DRC11: variants seen among roughly 807,000 people sequenced by gnomAD.
The protein encoded by DRC11 is IQ and AAA domain-containing protein 1.
At chr2:236,360,573 C>G in the DRC11 span, among the ~76,000 whole-genome samples, 1 of 152,290 alleles carries the variant, frequency 6.6e-6, no homozygotes, top group East Asian at 1.9e-4. This position sits in a 1 kb window ranked among gnomAD's most constrained non-coding sequence, Gnocchi z 5.8. Flanking sequence ...GTGCTTACAA[C>G]TTGGTAGTTA....
chr2:236,468,385 C>A, the DRC11 span, among the ~76,000 whole-genome samples: 7 of 152,076 alleles, frequency 4.6e-5, no homozygotes, highest in Non-Finnish European at 1.0e-4. Flanking sequence ...AACGACCATG[C>A]CCGGCTGAGA....
At chr2:236,387,969 T>G in the DRC11 span, among the ~76,000 whole-genome samples, 2 of 152,188 alleles carry the variant, frequency 1.3e-5, no homozygotes, top group Admixed American at 1.3e-4. Context: ...TTCTTTTCTT[T>G]AAGAATGTTG....
At chr2:236,345,677 G>T in the DRC11 span, among the ~76,000 whole-genome samples, 1 of 152,158 alleles carries the variant, frequency 6.6e-6, no homozygotes, top group Non-Finnish European at 1.5e-5. Flanking sequence ...CTTACCCTGG[G>T]CCCATGAATA....
chr2:236,443,355 C>T, the DRC11 span, among the ~76,000 whole-genome samples: 1 of 152,124 alleles, frequency 6.6e-6, no homozygotes, highest in Non-Finnish European at 1.5e-5. This position sits in a 1 kb window ranked among gnomAD's most constrained non-coding sequence, Gnocchi z 4.4. Flanking sequence ...CCTGCCCCAA[C>T]AGGCCCTCCC....
the DRC11 span, among the ~76,000 whole-genome samples, chr2:236,356,852 T>C: frequency 2.0e-5 from 3 of 149,412 alleles, no homozygotes; most frequent in African/African-American, 4.9e-5. Context: ...TATTGCATGT[T>C]CATCATTTGT....
chr2:236,441,227 G>A, the DRC11 span: 2 of 800,028 alleles, frequency 2.5e-6, no homozygotes, highest in Non-Finnish European at 2.1e-6. Flanking sequence ...TGGTCATTAA[G>A]GGTGGAGGGT....
the DRC11 span, among the ~76,000 whole-genome samples, chr2:236,344,795 G>A: frequency 1.3e-3 from 197 of 150,500 alleles, 1 homozygote; most frequent in African/African-American, 4.7e-3. Context: ...GGCTGTGAAC[G>A]TGCTTCCCTC....
the DRC11 span, among the ~76,000 whole-genome samples, chr2:236,356,983 A>G: frequency 8.6e-6 from 1 of 115,808 alleles, no homozygotes; most frequent in Non-Finnish European, 1.8e-5. Flanking sequence ...ATATTCATAT[A>G]TTATATATCT....
At chr2:236,443,955 T>C in the DRC11 span, among the ~76,000 whole-genome samples, 3 of 151,864 alleles carry the variant, frequency 2.0e-5, no homozygotes, top group Admixed American at 6.6e-5. This position sits in a 1 kb window ranked among gnomAD's most constrained non-coding sequence, Gnocchi z 4.4. Context: ...TGAGCTTGTT[T>C]TGACATATTT....
chr2:236,310,610 C>T, the DRC11 span, among the ~76,000 whole-genome samples: 7 of 152,258 alleles, frequency 4.6e-5, no homozygotes, highest in South Asian at 1.5e-3. The surrounding 1 kb of genome is among the most constrained non-coding windows in gnomAD (Gnocchi z 5.5). Flanking sequence ...TCCAGTGGTC[C>T]CTGGGCTTTC....
the DRC11 span, among the ~76,000 whole-genome samples, chr2:236,359,560 G>A: frequency 1.3e-5 from 2 of 152,132 alleles, no homozygotes; most frequent in East Asian, 3.9e-4. This position sits in a 1 kb window ranked among gnomAD's most constrained non-coding sequence, Gnocchi z 4.3. Context: ...GAGGAATCAG[G>A]CCCTTCTGTT....
At chr2:236,368,543 T>G in the DRC11 span, 2 of 454,312 alleles carry the variant, frequency 4.4e-6, no homozygotes, top group Non-Finnish European at 7.8e-6. Flanking sequence ...TGTTGACTAT[T>G]ATATTAGCCT....
At chr2:236,311,391 C>T in the DRC11 span, among the ~76,000 whole-genome samples, 2 of 152,312 alleles carry the variant, frequency 1.3e-5, no homozygotes, top group South Asian at 2.1e-4. The surrounding 1 kb of genome is among the most constrained non-coding windows in gnomAD (Gnocchi z 6.9). Context: ...CAGTTTCTCC[C>T]GATCCCAGGG....
the DRC11 span, chr2:236,364,003 G>A: frequency 6.3e-7 from 1 of 1,593,854 alleles, no homozygotes. Flanking sequence ...AGGCAAAGGT[G>A]CTAATGTTCT....
At chr2:236,462,808 A>C in the DRC11 span, among the ~76,000 whole-genome samples, 1 of 152,188 alleles carries the variant, frequency 6.6e-6, no homozygotes, top group African/African-American at 2.4e-5. The surrounding 1 kb of genome is among the most constrained non-coding windows in gnomAD (Gnocchi z 6.4). Context: ...ATGGGGCAAG[A>C]TTCTTGAAAG....
At chr2:236,478,224 A>G in the DRC11 span, among the ~76,000 whole-genome samples, 1 of 152,120 alleles carries the variant, frequency 6.6e-6, no homozygotes, top group Non-Finnish European at 1.5e-5. The surrounding 1 kb of genome is among the most constrained non-coding windows in gnomAD (Gnocchi z 5.9). Context: ...GTTATAGCCC[A>G]TAGATTTTCA....
At chr2:236,443,852 G>A in the DRC11 span, among the ~76,000 whole-genome samples, 1 of 152,122 alleles carries the variant, frequency 6.6e-6, no homozygotes, top group African/African-American at 2.4e-5. The surrounding 1 kb of genome is among the most constrained non-coding windows in gnomAD (Gnocchi z 4.4). Context: ...GCCAGCACCT[G>A]TTGTTTCCAG....
the DRC11 span, among the ~76,000 whole-genome samples, chr2:236,361,128 A>T: frequency 1.3e-5 from 2 of 152,224 alleles, no homozygotes; most frequent in African/African-American, 4.8e-5. The surrounding 1 kb of genome is among the most constrained non-coding windows in gnomAD (Gnocchi z 5.7). Flanking sequence ...CAAAGACTTG[A>T]AGGAAAAAGA....
the DRC11 span, chr2:236,487,957 T>C: frequency 1.8e-5 from 25 of 1,410,472 alleles, no homozygotes; most frequent in Non-Finnish European, 2.4e-5. Flanking sequence ...CTTTAGTGTA[T>C]AAGGCACCTT....
Sources: allele counts gnomAD v4.1 joint callset (sites outside exome capture counted in the v4.1 genomes callset), GRCh38; gene constraint gnomAD v4.1.1; non-coding constraint Gnocchi (gnomAD v3.1); transcripts MANE v1.5; gene names NCBI Gene and HGNC (gene_info 2026-07-23, HGNC 2026-07-21).